The following RPS29 variants were observed in gnomAD, a reference collection of about 807,000 sequenced individuals.
RPS29 encodes the protein ribosomal protein S29.
For synonymous variants in RPS29, 37 were observed against 26.9 expected, an observed-to-expected ratio of 1.37 and a Z score of -1.16; for missense variants, 60 against 75.7, an observed-to-expected ratio of 0.79 and a Z score of 0.77.
intron 1 of RPS29, among the ~76,000 whole-genome samples, chr14:49,593,649 C>T (rs146911531): frequency 0.018 from 2,377 of 129,952 alleles, 28 homozygotes; most frequent in African/African-American, 0.023. Context: ...GCCGAGATCA[C>T]GGCATCGCAC....
At chr14:49,573,816 T>C (rs1881114297) in exon 3 of RPS29, 1 of 152,188 alleles carries the variant, frequency 6.6e-6, no homozygotes, top group African/African-American at 2.4e-5. Flanking sequence ...TGAATGTTAA[T>C]AAGAGTTAAT....
At chr14:49,597,503 A>C (rs1236631632) in intron 1 of RPS29, 3 of 152,194 alleles carry the variant, frequency 2.0e-5, no homozygotes, top group African/African-American at 7.2e-5. Flanking sequence ...TACCCTCTCA[A>C]AGAACAAAAG....
intron 1 of RPS29, 53 bp downstream of exon 1, chr14:49,586,232 G>A (rs951709194): frequency 1.3e-5 from 21 of 1,575,726 alleles, no homozygotes; most frequent in African/African-American, 1.1e-4. Context: ...GAGATTTTAA[G>A]CAGCCTAGCG....
At chr14:49,576,146 C>G (rs1257392759) in exon 3 of RPS29, 1 of 147,456 alleles carries the variant, frequency 6.8e-6, no homozygotes. Flanking sequence ...TTAAGTGATA[C>G]AAACATGACT....
At chr14:49,584,128 C>T (rs543782727) in intron 2 of RPS29, among the ~76,000 whole-genome samples, 67 of 152,316 alleles carry the variant, frequency 4.4e-4, no homozygotes, top group African/African-American at 1.5e-3. Flanking sequence ...ACCACAGGCG[C>T]GGATCATCAT....
chr14:49,590,160 G>A (rs1881680770), upstream of RPS29, among the ~76,000 whole-genome samples: 1 of 152,168 alleles, frequency 6.6e-6, no homozygotes, highest in Admixed American at 6.5e-5. Flanking sequence ...ACCTGTACAT[G>A]TTTCCTTGAA....
chr14:49,582,101 G>A (rs1398691381), downstream of RPS29, among the ~76,000 whole-genome samples: 1 of 150,074 alleles, frequency 6.7e-6, no homozygotes, highest in Non-Finnish European at 1.5e-5. Flanking sequence ...CTAGACTATT[G>A]CAATAGCTTT....
chr14:49,586,226 T>G, intron 1 of RPS29, 59 bp downstream of exon 1: 1 of 1,573,132 alleles, frequency 6.4e-7, no homozygotes, highest in Admixed American at 1.7e-5. Flanking sequence ...CTACTTGAGA[T>G]TTTAAGCAGC....
downstream of RPS29, among the ~76,000 whole-genome samples, chr14:49,582,981 T>C (rs1881386657): frequency 1.3e-5 from 2 of 152,212 alleles, no homozygotes. Flanking sequence ...TTCAAAAGTG[T>C]GTGAACATAT....
chr14:49,594,626 A>G (rs1484059966), intron 1 of RPS29, among the ~76,000 whole-genome samples: 2 of 152,238 alleles, frequency 1.3e-5, no homozygotes, highest in Admixed American at 6.5e-5. Flanking sequence ...AGGGCCAGAA[A>G]GGCAAAAAGG....
At chr14:49,571,248 A>G (rs1208286712) in exon 3 of RPS29, 1 of 152,210 alleles carries the variant, frequency 6.6e-6, no homozygotes, top group East Asian at 1.9e-4. Flanking sequence ...CACTTTGCAA[A>G]GAATGATGCC....
At chr14:49,590,369 T>C (rs747553619), upstream of RPS29, among the ~76,000 whole-genome samples, 1 of 151,590 alleles carries the variant, frequency 6.6e-6, no homozygotes, top group African/African-American at 2.4e-5. Flanking sequence ...CCAGCTACTC[T>C]GGAGGCTGAG....
intron 2 of RPS29, chr14:49,585,223 C>G (rs1284255590): frequency 6.6e-6 from 1 of 152,074 alleles, no homozygotes; most frequent in Non-Finnish European, 1.5e-5. Context: ...AAAAAATTAG[C>G]CGGACATGGT....
At chr14:49,575,054 T>A (rs540408495) in exon 3 of RPS29, 1 of 152,682 alleles carries the variant, frequency 6.5e-6, no homozygotes, top group Admixed American at 6.5e-5. Context: ...TTTATCTTTT[T>A]TTTTGAGACG....
chr14:49,588,974 C>G (rs1319048317), upstream of RPS29, among the ~76,000 whole-genome samples: 4 of 145,478 alleles, frequency 2.7e-5, 1 homozygote, highest in South Asian at 8.8e-4. Flanking sequence ...CCACTGCAAG[C>G]TCCGCCTCCC....
intron 1 of RPS29, among the ~76,000 whole-genome samples, chr14:49,593,866 A>G (rs1460987916): frequency 6.6e-6 from 1 of 152,128 alleles, no homozygotes; most frequent in East Asian, 1.9e-4. Flanking sequence ...GGAGCAAGAG[A>G]CAAGCCTTTG....
upstream of RPS29, chr14:49,586,548 C>A (rs953621694): frequency 1.7e-6 from 1 of 597,584 alleles, no homozygotes; most frequent in East Asian, 2.9e-5. Context: ...CATACCACAG[C>A]TTCTAGTGCT....
At chr14:49,586,406 A>G, upstream of RPS29, 1 of 1,474,366 alleles carries the variant, frequency 6.8e-7, no homozygotes, top group Non-Finnish European at 9.5e-7. Flanking sequence ...TGCGCTCTTC[A>G]AATTTTTGAG....
chr14:49,595,607 A>G (rs1881804151), intron 1 of RPS29, among the ~76,000 whole-genome samples: 1 of 151,384 alleles, frequency 6.6e-6, no homozygotes, highest in South Asian at 2.1e-4. Flanking sequence ...CTCCAAAACT[A>G]AGCTAAACTA....
Sources: allele counts gnomAD v4.1 joint callset (sites outside exome capture counted in the v4.1 genomes callset), GRCh38; gene constraint gnomAD v4.1.1; transcripts MANE v1.5; gene names NCBI Gene and HGNC (gene_info 2026-07-23, HGNC 2026-07-21).